The following ARID1B variants were observed in gnomAD, a reference collection of about 807,000 sequenced individuals.
The protein encoded by ARID1B is AT-rich interaction domain 1B, also known as AT-rich interactive domain-containing protein 1B.
A neutral mutation model predicts 212.3 loss-of-function variants in ARID1B; 30 were observed. That is an observed-to-expected ratio of 0.14 (90% CI 0.11 to 0.19). The LOEUF is 0.19. Among genes scored for constraint, ARID1B ranks in the 10% least tolerant of loss-of-function variants. The probability of loss-of-function intolerance (pLI) is 1.00; values close to 1 mark genes in which losing one functional copy is unlikely to be tolerated. For missense variants in ARID1B, 2,891 were observed against 3,204.0 expected (o/e 0.90, Z 2.36); for synonymous variants, 1,402 against 1,301.7 (o/e 1.08, Z -1.66).
intron 4 of ARID1B, among the ~76,000 whole-genome samples, chr6:157,040,358 C>A (rs1234815884): frequency 6.6e-6 from 1 of 152,224 alleles, no homozygotes; most frequent in African/African-American, 2.4e-5. Context: ...GTCTAAGTCA[C>A]TGTGGTAACA....
chr6:157,110,596 T>C (rs757911814), intron 6 of ARID1B, 35 bp downstream of exon 6: 7 of 1,597,766 alleles, frequency 4.4e-6, no homozygotes, highest in Non-Finnish European at 6.0e-6. Context: ...ATGCCTATAG[T>C]GCTTTCAGGC....
At chr6:157,117,841 G>A (rs1488652645) in intron 6 of ARID1B, among the ~76,000 whole-genome samples, 1 of 151,894 alleles carries the variant, frequency 6.6e-6, no homozygotes, top group Non-Finnish European at 1.5e-5. Context: ...CAAGATTAAA[G>A]CTACTGCTGC....
intron 2 of ARID1B, among the ~76,000 whole-genome samples, chr6:156,889,665 C>T (rs1219852241): frequency 6.6e-6 from 1 of 152,092 alleles, no homozygotes; most frequent in African/African-American, 2.4e-5. Flanking sequence ...TGTGTACAGC[C>T]GTGTTTGCTG....
In ARID1B at chr6:157,181,087, C is replaced by T. The variant is rs2128317307; in HGVS notation, c.3623C>T (p.Ser1208Phe). The change falls in exon 12 of 20, where the codon TCT (serine) becomes TTT (phenylalanine). Residue 1208 changes from serine to phenylalanine, a missense_variant. Ser to Phe is a radical substitution (Grantham distance 155). Around this residue, in one of 7 missense-constraint regions of ARID1B, gnomAD observed 666 missense variants for 873.5 expected, o/e 0.76. Coordinates refer to ENST00000636930, the MANE Select transcript of ARID1B (RefSeq NM_001374828.1). ...RYLTFMEERG[S>F]PVSSLPAVGK... ...CTCACCTTCATGGAAGAGAGAGGCTCTCCTGTCTCAAGTCTGCCTGCCGTG... is the reference window on the plus strand; with the variant it reads ...CTCACCTTCATGGAAGAGAGAGGCTTTCCTGTCTCAAGTCTGCCTGCCGTG... 2 of 1,614,206 alleles carry T rather than the reference C, an allele frequency of 1.2e-6. No homozygotes were observed. The highest frequency in any genetic ancestry group is 8.5e-7 in the Non-Finnish European group (1 of 1,180,038).
At chr6:157,137,631 C>T (rs1789029949) in intron 7 of ARID1B, among the ~76,000 whole-genome samples, 1 of 152,166 alleles carries the variant, frequency 6.6e-6, no homozygotes, top group Admixed American at 6.5e-5. Context: ...AAAATATAAA[C>T]ACTCGGGCCT....
chr6:157,037,795 G>C (rs1364347026), intron 4 of ARID1B, among the ~76,000 whole-genome samples: 1 of 152,112 alleles, frequency 6.6e-6, no homozygotes, highest in Non-Finnish European at 1.5e-5. Context: ...GTGAACACAG[G>C]CCTGAGCTGG....
At chr6:157,127,312 T>C (rs1490054889) in intron 6 of ARID1B, among the ~76,000 whole-genome samples, 1 of 152,148 alleles carries the variant, frequency 6.6e-6, no homozygotes, top group Non-Finnish European at 1.5e-5. Flanking sequence ...CGCCCAGTGC[T>C]CTCTTGGTTA....
At chr6:156,894,070 T>A (rs945101241) in intron 2 of ARID1B, among the ~76,000 whole-genome samples, 15 of 152,126 alleles carry the variant, frequency 9.9e-5, no homozygotes, top group African/African-American at 3.4e-4. Context: ...GATAAACAGT[T>A]ATGCTGTATA....
At chr6:157,036,973 A>G (rs1312675194) in intron 4 of ARID1B, 7 of 417,680 alleles carry the variant, frequency 1.7e-5, no homozygotes, top group African/African-American at 1.5e-4. Flanking sequence ...TTTTTTAATC[A>G]TAATCAAAAC....
At chr6:156,881,208 T>C (rs1174227760) in intron 2 of ARID1B, among the ~76,000 whole-genome samples, 1 of 152,204 alleles carries the variant, frequency 6.6e-6, no homozygotes, top group East Asian at 1.9e-4. Flanking sequence ...CTGAGAAAGC[T>C]GATTTCTGTT....
At chr6:156,934,361 T>G (rs1791986801) in intron 3 of ARID1B, among the ~76,000 whole-genome samples, 1 of 152,176 alleles carries the variant, frequency 6.6e-6, no homozygotes, top group African/African-American at 2.4e-5. Flanking sequence ...GTGTGGTATT[T>G]GGGTTATATA....
intron 3 of ARID1B, among the ~76,000 whole-genome samples, chr6:156,921,997 T>G (rs556400852): frequency 2.0e-5 from 3 of 152,282 alleles, no homozygotes; most frequent in African/African-American, 4.8e-5. Context: ...GGCAGGATCT[T>G]TCTGGCACTT....
intron 5 of ARID1B, among the ~76,000 whole-genome samples, chr6:157,092,682 C>G (rs1470392148): frequency 6.6e-6 from 1 of 152,162 alleles, no homozygotes; most frequent in Admixed American, 6.5e-5. Flanking sequence ...AATACAAATT[C>G]CCACTTGGTT....
rs56983474 is a variant in ARID1B, at chr6:156,823,688, G to GTTTTT, written c.1792-5526_1792-5522dup. ...GTTCTTTCGGTGGGTTTTCTTTGTT[G>GTTTTT]TTTTTTTTTTTTTTTTTGTGAAGTG... On this transcript the variant is annotated intron_variant, in intron 1 of 19. Coordinates refer to ENST00000636930, the MANE Select transcript of ARID1B (RefSeq NM_001374828.1). Among the ~76,000 whole-genome samples the GTTTTT allele has an allele frequency of 4.7e-3, 560 of 117,960 alleles. 4 individuals carry two copies. The highest frequency in any genetic ancestry group is 0.017 in the African/African-American group (521 of 31,548). 77.4% of individuals were successfully genotyped at this position (117,960 alleles called of 152,430 possible). A position where few individuals can be genotyped will look rare whatever the true frequency, so the allele number is the denominator to read the frequency against.
At chr6:157,009,031 T>C (rs11156132) in intron 4 of ARID1B, among the ~76,000 whole-genome samples, 41,664 of 152,088 alleles carry the variant, frequency 0.27, 6,062 homozygotes, top group Non-Finnish European at 0.32. Context: ...TATAATAAAA[T>C]AATCGGCTTC....
In ARID1B at chr6:157,032,657, A is replaced by G. The variant is rs555480516; in HGVS notation, c.2248-52005A>G. On this transcript the variant is annotated intron_variant, in intron 4 of 19. Coordinates refer to ENST00000636930, the MANE Select transcript of ARID1B (RefSeq NM_001374828.1). Reference sequence around the variant, plus strand: ...TTTATTCACATTTCCATGATTATTAATTGACATGGAACAATGGGTAATGTT... The same window carrying G: ...TTTATTCACATTTCCATGATTATTAGTTGACATGGAACAATGGGTAATGTT... 1.1e-4 allele frequency among the ~76,000 whole-genome samples: 17 copies of G among 152,320 alleles called. No individual in the cohort carries two copies. In the East Asian group the frequency reaches 3.3e-3, roughly 29 times the overall value.
intron 4 of ARID1B, among the ~76,000 whole-genome samples, chr6:157,084,126 C>A: frequency 6.9e-6 from 1 of 144,940 alleles, no homozygotes; most frequent in Non-Finnish European, 1.5e-5. Flanking sequence ...AAGAGTGAGA[C>A]TTCATCACCT....
At chr6:156,987,453 C>T (rs920102536) in intron 4 of ARID1B, among the ~76,000 whole-genome samples, 1 of 151,946 alleles carries the variant, frequency 6.6e-6, no homozygotes, top group African/African-American at 2.4e-5. Context: ...GGCTCAGCCT[C>T]CCAAGTAGCT....
At chr6:157,124,097 G>C (rs1446920536) in intron 6 of ARID1B, among the ~76,000 whole-genome samples, 1 of 152,198 alleles carries the variant, frequency 6.6e-6, no homozygotes, top group African/African-American at 2.4e-5. Flanking sequence ...GCTATCAGTT[G>C]TTCCTTCTCA....
Sources: gnomAD v4.1 joint callset for allele counts (sites outside exome capture counted in the v4.1 genomes callset) on GRCh38, gnomAD v4.1.1 for gene constraint, gnomAD v4.1.1 regional missense constraint, MANE v1.5 for transcripts, NCBI Gene and HGNC (gene_info 2026-07-23, HGNC 2026-07-21) for gene names.